Variants in MLLT3 observed in about 807,000 individuals in gnomAD.
MLLT3 encodes protein AF-9.
Under a neutral mutation model 53.2 loss-of-function variants are expected in MLLT3, and 4 were observed. The ratio of observed to expected loss-of-function variants is 0.08; its 90% CI spans 0.04 to 0.17. MLLT3 has a LOEUF of 0.17. Ranked by LOEUF, MLLT3 falls within the 10% of genes least tolerant of loss-of-function variation. The probability of loss-of-function intolerance (pLI) is 1.00; values close to 1 mark genes in which losing one functional copy is unlikely to be tolerated. For synonymous variants in MLLT3, 283 were observed against 230.6 expected (o/e 1.23, Z -2.06); for missense variants, 569 against 684.0 (o/e 0.83, Z 1.87).
chr9:20,498,266 A>G (rs10811353), intron 2 of MLLT3, among the ~76,000 whole-genome samples: 29,483 of 97,978 alleles, frequency 0.3, 5,226 homozygotes, highest in South Asian at 0.39. Flanking sequence ...AAAAAAAAAA[A>G]GTTCTTCTAG....
At chr9:20,543,321 A>T (rs921387923) in intron 2 of MLLT3, among the ~76,000 whole-genome samples, 3 of 152,176 alleles carry the variant, frequency 2.0e-5, no homozygotes, top group Non-Finnish European at 4.4e-5. Flanking sequence ...CACAGCACTT[A>T]ATCATTTCTA....
At chr9:20,524,468 T>C (rs1818147674) in intron 2 of MLLT3, among the ~76,000 whole-genome samples, 1 of 151,934 alleles carries the variant, frequency 6.6e-6, no homozygotes, top group Admixed American at 6.6e-5. Flanking sequence ...CAAAATCATC[T>C]TCCATACTTT....
chr9:20,514,179 T>C (rs1418972992), intron 2 of MLLT3, among the ~76,000 whole-genome samples: 2 of 152,136 alleles, frequency 1.3e-5, no homozygotes, highest in African/African-American at 2.4e-5. Context: ...GGGTGTACAT[T>C]TGAGTGGAGA....
At chr9:20,466,009 C>T (rs2118878865) in intron 2 of MLLT3, among the ~76,000 whole-genome samples, 1 of 152,216 alleles carries the variant, frequency 6.6e-6, no homozygotes, top group Middle Eastern at 3.4e-3. Flanking sequence ...TTCCAGGAAA[C>T]CCTACATCCT....
At chr9:20,390,177 G>A (rs1822147995) in intron 5 of MLLT3, among the ~76,000 whole-genome samples, 1 of 152,182 alleles carries the variant, frequency 6.6e-6, no homozygotes, top group African/African-American at 2.4e-5. Flanking sequence ...GTTACATTAA[G>A]AAGGACATAA....
chr9:20,479,350 C>T (rs779466597), intron 2 of MLLT3, among the ~76,000 whole-genome samples: 5 of 152,088 alleles, frequency 3.3e-5, no homozygotes, highest in Non-Finnish European at 5.9e-5. Flanking sequence ...AATTAATTTG[C>T]TTTTTATATT....
intron 5 of MLLT3, among the ~76,000 whole-genome samples, chr9:20,405,233 G>A (rs1054845060): frequency 6.6e-6 from 1 of 152,082 alleles, no homozygotes. Flanking sequence ...CATAAAGCAA[G>A]ACTCAATCAG....
intron 5 of MLLT3, among the ~76,000 whole-genome samples, chr9:20,408,971 G>A (rs1321718932): frequency 4.6e-5 from 7 of 152,138 alleles, no homozygotes; most frequent in Non-Finnish European, 2.9e-5. Flanking sequence ...GAAAAATGCT[G>A]CCAACTGATG....
chr9:20,581,667 A>G (rs1272149496), intron 2 of MLLT3, among the ~76,000 whole-genome samples: 1 of 152,202 alleles, frequency 6.6e-6, no homozygotes, highest in African/African-American at 2.4e-5. Flanking sequence ...TTCCATCCAC[A>G]GTTGATGAAG....
chr9:20,461,710 G>A (rs181775154), intron 2 of MLLT3, among the ~76,000 whole-genome samples: 1 of 151,850 alleles, frequency 6.6e-6, no homozygotes, highest in Non-Finnish European at 1.5e-5. Flanking sequence ...GTTTTTTCCC[G>A]AAACCTCAGG....
intron 5 of MLLT3, among the ~76,000 whole-genome samples, chr9:20,370,493 A>C (rs1307914349): frequency 6.6e-6 from 1 of 151,832 alleles, no homozygotes; most frequent in Non-Finnish European, 1.5e-5. Context: ...CTAAATGTTC[A>C]AATGAAAGGA....
chr9:20,581,424 T>G lies in MLLT3; in HGVS notation c.193+39230A>C, dbSNP rs183679641. ...CTTTGATCTGCTAATTACAAAACAT[T>G]TTTATCTTTTCATTAAATCAGGAGT... On this transcript the variant is annotated intron_variant, in intron 2 of 10. Coordinates refer to ENST00000380338, the MANE Select transcript of MLLT3 (RefSeq NM_004529.4). 2.0e-5 allele frequency among the ~76,000 whole-genome samples: 3 copies of G among 152,262 alleles called. No individual in the cohort carries two copies. The East Asian group carries it at 5.8e-4, about 29-fold the overall frequency.
intron 2 of MLLT3, among the ~76,000 whole-genome samples, chr9:20,490,427 G>C (rs1226047195): frequency 6.6e-6 from 1 of 152,222 alleles, no homozygotes; most frequent in East Asian, 1.9e-4. Context: ...AATGTTAAGG[G>C]CCCACATTCA....
chr9:20,367,010 C>T (rs1821472412), intron 5 of MLLT3, among the ~76,000 whole-genome samples: 1 of 152,236 alleles, frequency 6.6e-6, no homozygotes, highest in Non-Finnish European at 1.5e-5. Flanking sequence ...CCAACCCTAA[C>T]CCTTTTCATC....
intron 2 of MLLT3, among the ~76,000 whole-genome samples, chr9:20,587,221 A>G (rs1478094888): frequency 6.6e-6 from 1 of 151,026 alleles, no homozygotes; most frequent in East Asian, 1.9e-4. Flanking sequence ...CAATAGGTTC[A>G]TATCTGCAAA....
chr9:20,384,457 G>A (rs1356707640), intron 5 of MLLT3, among the ~76,000 whole-genome samples: 1 of 152,000 alleles, frequency 6.6e-6, no homozygotes, highest in Non-Finnish European at 1.5e-5. Flanking sequence ...AAGAGGTTTT[G>A]TTATACATAG....
intron 10 of MLLT3, 101 bp downstream of exon 10, chr9:20,353,424 T>G: frequency 1.0e-6 from 1 of 957,136 alleles, no homozygotes. Context: ...CAGGTTCTGA[T>G]AGCGTGGGGC....
At chr9:20,440,458 C>A (rs1823518603) in intron 4 of MLLT3, among the ~76,000 whole-genome samples, 1 of 152,040 alleles carries the variant, frequency 6.6e-6, no homozygotes, top group Admixed American at 6.6e-5. Context: ...AGGCAGAAAA[C>A]AAAATGTTAA....
chr9:20,589,490 C>T (rs1323878245), intron 2 of MLLT3, among the ~76,000 whole-genome samples: 4 of 147,038 alleles, frequency 2.7e-5, no homozygotes, highest in East Asian at 2.0e-4. Flanking sequence ...TGCTAGATGA[C>T]GAGTTAGTGG....
Sources: gnomAD v4.1 joint callset for allele counts (sites outside exome capture counted in the v4.1 genomes callset) on GRCh38, gnomAD v4.1.1 for gene constraint, MANE v1.5 for transcripts, NCBI Gene and HGNC (gene_info 2026-07-23, HGNC 2026-07-21) for gene names.